Variants in PLCL1 observed in about 807,000 individuals in gnomAD.
PLCL1 encodes phospholipase C like 1 (inactive), also known as inactive phospholipase C-like protein 1.
PLCL1 carries 41 observed loss-of-function variants against 84.4 expected under a neutral mutation model. The observed-to-expected ratio is 0.49, with a 90% confidence interval of 0.38 to 0.63. The LOEUF (loss-of-function observed/expected upper bound fraction) is 0.63. PLCL1 is among the 30% of genes least tolerant of loss of function. The pLI is 0.00. For missense variants in PLCL1, 1,206 were observed against 1,367.8 expected (o/e 0.88, Z 1.87); for synonymous variants, 490 against 488.3 (o/e 1.00, Z -0.05).
chr2:197,885,651 G>T (rs1687909314), intron 1 of PLCL1, among the ~76,000 whole-genome samples: 1 of 152,268 alleles, frequency 6.6e-6, no homozygotes, highest in African/African-American at 2.4e-5. Context: ...CGCAGTTTGG[G>T]TTTCAGCTCA....
At chr2:198,101,830 A>G (rs1048561146) in intron 4 of PLCL1, among the ~76,000 whole-genome samples, 2 of 152,030 alleles carry the variant, frequency 1.3e-5, no homozygotes, top group African/African-American at 2.4e-5. Flanking sequence ...CATATCTGTG[A>G]GAGTGTACTT....
At chr2:197,984,417 C>T (rs1226091138) in intron 1 of PLCL1, among the ~76,000 whole-genome samples, 1 of 151,854 alleles carries the variant, frequency 6.6e-6, no homozygotes, top group African/African-American at 2.4e-5. Flanking sequence ...GTGACTGGCT[C>T]TGATTTCCAA....
intron 1 of PLCL1, among the ~76,000 whole-genome samples, chr2:197,836,446 CAAAAAAAAAAAAAA>C (rs35510400): frequency 1.4e-4 from 5 of 34,534 alleles, no homozygotes; most frequent in African/African-American, 5.1e-4. Flanking sequence ...GACTCCGTCT[CAAAAAAAAAAAAAA>C]AAAAAAAAAA....
chr2:198,132,122 C>T (rs1158282110), intron 5 of PLCL1, among the ~76,000 whole-genome samples: 2 of 152,152 alleles, frequency 1.3e-5, no homozygotes, highest in Non-Finnish European at 2.9e-5. Context: ...CCAACTAAGA[C>T]TCTTAGAATT....
Position 198,084,972 on chromosome 2 carries a change from C to T in PLCL1, c.1455C>T (p.Tyr485=). ...INKFAFVASE[Y]PLILCLGNHC... The stretch of plus-strand genomic sequence containing the variant: ...AATTTGCCTTTGTTGCTTCTGAATA[C>T]CCACTCATTCTTTGCTTGGGAAATC... Residue 485 remains tyrosine, a synonymous_variant, in exon 2 of 6, where the codon TAC becomes TAT. Transcript: ENST00000428675. The T allele has an allele frequency of 6.2e-7, 1 of 1,614,008 alleles. No homozygotes were observed.
At chr2:197,856,089 T>A (rs899716905) in intron 1 of PLCL1, among the ~76,000 whole-genome samples, 6 of 152,218 alleles carry the variant, frequency 3.9e-5, no homozygotes, top group African/African-American at 1.4e-4. Flanking sequence ...AATGGAACTT[T>A]AAGAACATAT....
At chr2:198,031,645 G>A (rs181949925) in intron 1 of PLCL1, among the ~76,000 whole-genome samples, 43 of 141,998 alleles carry the variant, frequency 3.0e-4, no homozygotes, top group African/African-American at 1.1e-3. Context: ...ATGAGCCACC[G>A]TGAATGGCCA....
At chr2:198,065,571 G>T (rs1027590454) in intron 1 of PLCL1, among the ~76,000 whole-genome samples, 1 of 152,080 alleles carries the variant, frequency 6.6e-6, no homozygotes, top group Admixed American at 6.5e-5. Flanking sequence ...CGGTTGTATT[G>T]TTTGGCCTTA....
At chr2:197,934,311 A>C (rs1171190205) in intron 1 of PLCL1, among the ~76,000 whole-genome samples, 1 of 152,130 alleles carries the variant, frequency 6.6e-6, no homozygotes, top group African/African-American at 2.4e-5. Context: ...AATATGATAA[A>C]ATACCTAATG....
intron 1 of PLCL1, among the ~76,000 whole-genome samples, chr2:197,992,941 T>C (rs1401566534): frequency 6.6e-6 from 1 of 152,268 alleles, no homozygotes; most frequent in African/African-American, 2.4e-5. Context: ...TTCCATCTTT[T>C]AGCTGTTACT....
intron 1 of PLCL1, among the ~76,000 whole-genome samples, chr2:197,971,153 A>G (rs1178140992): frequency 1.3e-5 from 2 of 152,152 alleles, no homozygotes; most frequent in Non-Finnish European, 2.9e-5. Flanking sequence ...TTCTTTTCCA[A>G]TATCTGCCAC....
At chr2:198,019,745 A>G (rs945315853) in intron 1 of PLCL1, among the ~76,000 whole-genome samples, 3 of 152,242 alleles carry the variant, frequency 2.0e-5, no homozygotes, top group African/African-American at 7.2e-5. Flanking sequence ...ATGTGAAAAG[A>G]CCAAACCTAC....
At position 197,849,552 on chromosome 2, in the gene PLCL1, T is replaced by C. The variant is rs111861358; in HGVS notation, c.240+44213T>C. 6.9e-3 allele frequency among the ~76,000 whole-genome samples: 1,057 copies of C among 152,256 alleles called. 17 individuals are homozygous for C. The highest frequency in any genetic ancestry group is 0.024 in the African/African-American group (993 of 41,538). ...TGCAGATGACATAGAATAATGGAAATTAAAAAATAAATATTTATTGCCTTT... is the reference window on the plus strand; with the variant it reads ...TGCAGATGACATAGAATAATGGAAACTAAAAAATAAATATTTATTGCCTTT... On this transcript the variant is annotated intron_variant, in intron 1 of 5. Coordinates refer to ENST00000428675, the MANE Select transcript of PLCL1 (RefSeq NM_006226.4).
chr2:198,097,049 A>G (rs1032056572), intron 3 of PLCL1, among the ~76,000 whole-genome samples: 1 of 152,172 alleles, frequency 6.6e-6, no homozygotes, highest in African/African-American at 2.4e-5. Flanking sequence ...TCATTCCATC[A>G]CTGTCTCTTA....
At chr2:198,072,401 T>TCCCA (rs1692484241) in intron 1 of PLCL1, among the ~76,000 whole-genome samples, 1 of 151,912 alleles carries the variant, frequency 6.6e-6, no homozygotes, top group Non-Finnish European at 1.5e-5. Context: ...TCTCGGTAAA[T>TCCCA]AGTTATATTT....
chr2:198,013,510 T>C (rs980289032), intron 1 of PLCL1, among the ~76,000 whole-genome samples: 7 of 152,146 alleles, frequency 4.6e-5, no homozygotes, highest in Non-Finnish European at 1.0e-4. Context: ...TCTGTGTCTA[T>C]GTACCATGCT....
intron 1 of PLCL1, among the ~76,000 whole-genome samples, chr2:198,057,150 C>CT (rs1281801381): frequency 6.6e-6 from 1 of 152,142 alleles, no homozygotes. Context: ...GCCTCTTTAT[C>CT]TTTTAGGAGT....
chr2:197,955,810 T>C (rs1689478973), intron 1 of PLCL1, among the ~76,000 whole-genome samples: 2 of 151,830 alleles, frequency 1.3e-5, no homozygotes, highest in Non-Finnish European at 2.9e-5. Flanking sequence ...TTATTATTAT[T>C]TTTTAATTTT....
intron 5 of PLCL1, among the ~76,000 whole-genome samples, chr2:198,118,183 C>A (rs562058901): frequency 6.6e-6 from 1 of 152,024 alleles, no homozygotes; most frequent in South Asian, 2.1e-4. Context: ...ATAATAATTA[C>A]AAATGCCATC....
Sources: gnomAD v4.1 joint callset for allele counts (sites outside exome capture counted in the v4.1 genomes callset) on GRCh38, gnomAD v4.1.1 for gene constraint, MANE v1.5 for transcripts, NCBI Gene and HGNC (gene_info 2026-07-23, HGNC 2026-07-21) for gene names.